ASMT: variants seen among roughly 807,000 people sequenced by gnomAD.
ASMT encodes the protein acetylserotonin O-methyltransferase, also known as acetylserotonin N-methyltransferase.
In ASMT, 53 loss-of-function variants were observed where a neutral mutation model predicts 41.3. The ratio of observed to expected loss-of-function variants is 1.28; its 90% confidence interval spans 1.03 to 1.61. ASMT has a LOEUF of 1.61. Ranked by LOEUF, ASMT falls within the 40% of genes most tolerant of loss-of-function variation. The probability of loss-of-function intolerance (pLI) is 0.00; values close to 1 mark genes in which losing one functional copy is unlikely to be tolerated. For synonymous variants in ASMT, 231 were observed against 184.8 expected, an observed-to-expected ratio of 1.25 and a Z score of -2.03; for missense variants, 531 against 441.3, an observed-to-expected ratio of 1.20 and a Z score of -1.82.
Position 1,642,785 on chromosome X carries a change from G to C in ASMT, c.911-18G>C, listed in dbSNP as rs200994340. 4 of 1,607,998 alleles carry C rather than the reference G, an allele frequency of 2.5e-6. No individual in the cohort carries two copies. Among genetic ancestry groups the C allele is most frequent in the South Asian group, 2.2e-5 (2 of 90,958 alleles). ...TGTGTGTTTGTGTGTGATGTGGACT[G>C]TGCCCCTCCCTTTCTAGGTGGTGGC... On this transcript the variant is annotated intron_variant, in intron 8 of 8. Coordinates refer to ENST00000381241, the MANE Select transcript of ASMT (RefSeq NM_001171038.2).
At chrX:1,619,382 G>A (rs1323837971) in intron 1 of ASMT, among the ~76,000 whole-genome samples, 5 of 147,182 alleles carry the variant, frequency 3.4e-5, no homozygotes, top group Non-Finnish European at 7.5e-5. Flanking sequence ...GGGCAGAGCG[G>A]GACCCTGTCT....
At chrX:1,636,335 G>C in intron 7 of ASMT, 103 bp from the exon 8 acceptor site, 1 of 1,551,812 alleles carries the variant, frequency 6.4e-7, no homozygotes, top group Non-Finnish European at 8.9e-7. Flanking sequence ...GGAAGACCTG[G>C]GAAAGGCGTG....
rs758044115 is a variant in ASMT, at chrX:1,641,451, G to C, written c.911-1352G>C. Among the ~76,000 whole-genome samples the C allele has an allele frequency of 1.3e-5, 2 of 149,656 alleles. 1 individual carries two copies. Among genetic ancestry groups the C allele is most frequent in the Non-Finnish European group, 3.0e-5 (2 of 67,274 alleles). On this transcript the variant is annotated intron_variant, in intron 8 of 8. Coordinates refer to ENST00000381241, the MANE Select transcript of ASMT (RefSeq NM_001171038.2). ...ACACAGCCGCTCTGTGTGTGATGGG[G>C]ACAGTGTCCCAGCTCTCCTGTGAGG...
Position 1,632,373 on chromosome X carries a change from C to T in ASMT, c.563-331C>T, listed in dbSNP as rs773684993. 4.2e-4 allele frequency among the ~76,000 whole-genome samples: 64 copies of T among 152,012 alleles called. No individual in the cohort carries two copies. In the South Asian group the frequency reaches 4.8e-3, roughly 11 times the overall value. On this transcript the variant is annotated intron_variant, in intron 5 of 8. Transcript: ENST00000381241. ...GTGGATAAAAAAGGATGAGTTCGGCCGGGCGCGGTGGCTCACGCCTGTCAT... is the reference window on the plus strand; with the variant it reads ...GTGGATAAAAAAGGATGAGTTCGGCTGGGCGCGGTGGCTCACGCCTGTCAT...
rs1177048145 is a variant in ASMT at position 1,636,666 on chromosome X, G to A, written c.910+106G>A. 4.5e-6 allele frequency: 7 copies of A among 1,561,036 alleles called. No homozygotes were observed. The East Asian group carries it at 1.6e-4, about 35-fold the overall frequency. On this transcript the variant is annotated intron_variant, in intron 8 of 8. Transcript: ENST00000381241. ...TGAAATCATCCCACAGGTAAGGGTA[G>A]ACATCCTGCCCAATATGGCTTTCCT...
intron 1 of ASMT, 75 bp from the exon 2 acceptor site, chrX:1,623,064 T>C (rs1316910670): frequency 2.1e-6 from 3 of 1,434,058 alleles, no homozygotes; most frequent in Non-Finnish European, 2.0e-6. Context: ...TAGCCTGCCA[T>C]GGTATGGGGT....
Position 1,635,964 on chromosome X carries a change from T to C in ASMT, c.788-474T>C, listed in dbSNP as rs1341762300. On this transcript the variant is annotated intron_variant, in intron 7 of 8. Transcript: ENST00000381241. Reference sequence around the variant, plus strand: ...CCACACTTATTCAGTATTTTCTTTCTTTTTTTTTTTTTGGAGACAGTCTCG... The same window carrying C: ...CCACACTTATTCAGTATTTTCTTTCCTTTTTTTTTTTTGGAGACAGTCTCG... Among the ~76,000 whole-genome samples, 402 of 116,682 alleles carry C rather than the reference T, an allele frequency of 3.4e-3. 3 individuals carry two copies. The highest frequency in any genetic ancestry group is 0.012 in the African/African-American group (386 of 31,690). The allele number at this position is 116,682 out of a possible 152,430, so 76.5% of individuals were successfully genotyped here.
Position 1,615,130 on chromosome X carries a change from C to A in ASMT, c.-70C>A. On this transcript the variant is annotated 5_prime_UTR_variant, in exon 1 of 9. Transcript: ENST00000381241. The stretch of plus-strand genomic sequence containing the variant: ...AGCGGGTGGCTCTTCCCCACCTTGC[C>A]AGCAGGCTCTGTGCTCCTTGAAGCA... 6.9e-7 allele frequency: 1 copy of A among 1,446,794 alleles called. No individual in the cohort carries two copies. The highest frequency in any genetic ancestry group is 9.5e-7 in the Non-Finnish European group (1 of 1,050,644). The allele number at this position is 1,446,794 out of a possible 1,614,324, so 89.6% of individuals were successfully genotyped here.
chrX:1,621,021 G>A lies in ASMT; in HGVS notation c.70-2118G>A, dbSNP rs769260831. 1.5e-4 allele frequency among the ~76,000 whole-genome samples: 23 copies of A among 152,184 alleles called. No homozygotes were observed. In the East Asian group the frequency reaches 3.5e-3, roughly 23 times the overall value. ...TGGGGCAAGAGAATCACTTGAACGC[G>A]GGAGGCGTAGGTTGCCGTGAGCCGA... On this transcript the variant is annotated intron_variant, in intron 1 of 8. Coordinates refer to ENST00000381241, the MANE Select transcript of ASMT (RefSeq NM_001171038.2).
chrX:1,636,678 A>C (rs1320872325), intron 8 of ASMT, 118 bp downstream of exon 8: 1 of 1,484,186 alleles, frequency 6.7e-7, no homozygotes, highest in Non-Finnish European at 9.4e-7. Context: ...CATCCTGCCC[A>C]ATATGGCTTT....
chrX:1,628,226 C>T (rs1373418178), intron 4 of ASMT, among the ~76,000 whole-genome samples: 2 of 152,180 alleles, frequency 1.3e-5, no homozygotes, highest in African/African-American at 4.8e-5. Context: ...GAGGCTGAGG[C>T]AGGAGAACTG....
Position 1,636,190 on chromosome X carries a change from C to T in ASMT, c.788-248C>T, listed in dbSNP as rs1157666813. 14 of 548,094 alleles carry T rather than the reference C, an allele frequency of 2.6e-5. No individual in the cohort carries two copies. The East Asian group carries it at 2.6e-4, about 10-fold the overall frequency. The allele number at this position is 548,094 out of a possible 1,614,324, so 34.0% of individuals were successfully genotyped here. The stretch of plus-strand genomic sequence containing the variant: ...GCCAGGATGGTCTTGATCTCCTGAC[C>T]TCGTGATCTGCCCACCTCCGCCTCC... On this transcript the variant is annotated intron_variant, in intron 7 of 8. Transcript: ENST00000381241.
In ASMT at chrX:1,623,148, G is replaced by C. The variant is rs780414415; in HGVS notation, c.79G>C (p.Ala27Pro). 2 of 1,612,340 alleles carry C rather than the reference G, an allele frequency of 1.2e-6. No homozygotes were observed. Among genetic ancestry groups the C allele is most frequent in the East Asian group, 4.5e-5 (2 of 44,874 alleles). Reference sequence around the variant, plus strand: ...CCGCTCCTGCTCCAAGGTTCTCTTCGCCGCCTGCGAGCTGGGCGTGTTTGA... The same window carrying C: ...CCGCTCCTGCTCCAAGGTTCTCTTCCCCGCCTGCGAGCTGGGCGTGTTTGA... The part of the protein sequence containing the change: ...NGFMVSQVLF[A>P]ACELGVFDLL... Residue 27 changes from alanine to proline, a missense_variant, in exon 2 of 9, where the codon GCC becomes CCC. Physicochemically the swap from Ala to Pro is conservative, Grantham distance 27. Transcript: ENST00000381241.
At position 1,632,543 on chromosome X, in the gene ASMT, T is replaced by C. The variant is rs2089279966; in HGVS notation, c.563-161T>C. On this transcript the variant is annotated intron_variant, in intron 5 of 8. Coordinates refer to ENST00000381241, the MANE Select transcript of ASMT (RefSeq NM_001171038.2). ...GGTGGCGGGCGCCTGTAGTCCCAGCTACTGGGGAGGCTGAGGCAGGAGAAT... is the reference window on the plus strand; with the variant it reads ...GGTGGCGGGCGCCTGTAGTCCCAGCCACTGGGGAGGCTGAGGCAGGAGAAT... Among the ~76,000 whole-genome samples the C allele has an allele frequency of 3.9e-5, 6 of 151,978 alleles. No homozygotes were observed. The South Asian group carries it at 1.2e-3, about 32-fold the overall frequency.
At chrX:1,627,628 T>TGAAAC (rs1206925406) in intron 3 of ASMT, 75 bp from the exon 4 acceptor site, 10 of 1,319,206 alleles carry the variant, frequency 7.6e-6, no homozygotes, top group East Asian at 2.3e-5. Context: ...TGAAACGAAA[T>TGAAAC]GAAACGAAAT....
At chrX:1,616,858 G>GTT (rs1569368655) in intron 1 of ASMT, among the ~76,000 whole-genome samples, 18 of 145,088 alleles carry the variant, frequency 1.2e-4, no homozygotes, top group African/African-American at 4.2e-4. Flanking sequence ...ACAGGCACCC[G>GTT]CCACCACGCC....
chrX:1,636,286 T>A, intron 7 of ASMT, 152 bp from the exon 8 acceptor site: 1 of 1,160,242 alleles, frequency 8.6e-7, no homozygotes, highest in Non-Finnish European at 1.3e-6. Flanking sequence ...CTCCTAAGCC[T>A]TTTTGTTTTC....
chrX:1,619,329 G>T (rs1369043837), intron 1 of ASMT, among the ~76,000 whole-genome samples: 1 of 151,034 alleles, frequency 6.6e-6, no homozygotes, highest in African/African-American at 2.4e-5. Flanking sequence ...GGGAGGTGGA[G>T]GTTGCAGTGA....
rs1172388438 is a variant in ASMT, at chrX:1,615,738, G to A, written c.69+470G>A. Among the ~76,000 whole-genome samples the A allele has an allele frequency of 2.4e-4, 37 of 151,758 alleles. 1 individual carries two copies. Among genetic ancestry groups the A allele is most frequent in the South Asian group, 1.3e-3 (6 of 4,798 alleles). On this transcript the variant is annotated intron_variant, in intron 1 of 8. Transcript: ENST00000381241. ...AATCGCTTGAACCTGGGAGGCGGAG[G>A]TTGCAGTGAGCCGAGATCGCACCAC...
Sources: allele counts gnomAD v4.1 joint callset (sites outside exome capture counted in the v4.1 genomes callset), GRCh38; gene constraint gnomAD v4.1.1; transcripts MANE v1.5; gene names NCBI Gene and HGNC (gene_info 2026-07-23, HGNC 2026-07-21).